AKAP12: variants seen among roughly 807,000 people sequenced by gnomAD.
The protein encoded by AKAP12 is A-kinase anchor protein 12.
Under a neutral mutation model 79.9 loss-of-function variants are expected in AKAP12, and 32 were observed. That is an observed-to-expected ratio of 0.40 (90% confidence interval 0.30 to 0.54). The LOEUF (loss-of-function observed/expected upper bound fraction) is 0.54, where lower values mean the gene tolerates loss of function less well. Ranked by LOEUF, AKAP12 falls within the 20% of genes least tolerant of loss-of-function variation. The pLI is 0.48. For synonymous variants in AKAP12, 808 were observed against 857.0 expected, an observed-to-expected ratio of 0.94 and a Z score of 1.00; for missense variants, 2,074 against 2,177.0, an observed-to-expected ratio of 0.95 and a Z score of 0.94.
chr6:151,322,293 G>A (rs755422161), intron 3 of AKAP12, among the ~76,000 whole-genome samples: 15 of 151,976 alleles, frequency 9.9e-5, no homozygotes, highest in Non-Finnish European at 2.1e-4. Context: ...TAATAACGTT[G>A]GACGTATTTT....
Position 151,350,882 on chromosome 6 carries a change from G to T in AKAP12, c.2491G>T (p.Ala831Ser), listed in dbSNP as rs1167352574. ...GKQEQAPVED[A>S]GPTGANEDDS... ...ACAAGAACAAGCCCCTGTTGAAGAC[G>T]CAGGGCCAACAGGGGCCAACGAAGA... The change falls in exon 4 of 5, where the codon GCA (alanine) becomes TCA (serine). Residue 831 changes from alanine to serine, a missense_variant. Transcript: ENST00000402676. This position sits in a 1 kb window ranked among gnomAD's most constrained non-coding sequence, Gnocchi z 4.8. 4 of 1,614,096 alleles carry T rather than the reference G, an allele frequency of 2.5e-6. No homozygotes were observed. The highest frequency in any genetic ancestry group is 3.4e-6 in the Non-Finnish European group (4 of 1,180,018).
intron 2 of AKAP12, among the ~76,000 whole-genome samples, chr6:151,288,345 ACT>A (rs576045292): frequency 6.6e-6 from 1 of 151,674 alleles, no homozygotes; most frequent in South Asian, 2.1e-4. Context: ...AGAAACCCTG[ACT>A]CTACGAAAAA....
chr6:151,326,434 C>A (rs1777527500), intron 3 of AKAP12, among the ~76,000 whole-genome samples: 1 of 141,900 alleles, frequency 7.0e-6, no homozygotes, highest in East Asian at 2.0e-4. Flanking sequence ...TTAATAAAGC[C>A]ATAGTTATTA....
intron 2 of AKAP12, among the ~76,000 whole-genome samples, chr6:151,249,983 G>T (rs866759816): frequency 1.3e-5 from 2 of 152,190 alleles, no homozygotes; most frequent in Non-Finnish European, 2.9e-5. Context: ...GGTGGCTCAT[G>T]CCTATAATCC....
At chr6:151,260,916 G>C (rs949017258) in intron 2 of AKAP12, among the ~76,000 whole-genome samples, 2 of 152,014 alleles carry the variant, frequency 1.3e-5, no homozygotes, top group African/African-American at 4.8e-5. Context: ...CGCTTGAACC[G>C]GGGAGGTGGA....
At chr6:151,286,820 A>T (rs1776513930) in intron 2 of AKAP12, among the ~76,000 whole-genome samples, 1 of 152,188 alleles carries the variant, frequency 6.6e-6, no homozygotes, top group Admixed American at 6.5e-5. Flanking sequence ...AGCTCGAGAG[A>T]GTTCAGGTCT....
At chr6:151,304,060 GT>G (rs1189418675) in intron 2 of AKAP12, among the ~76,000 whole-genome samples, 2 of 152,172 alleles carry the variant, frequency 1.3e-5, no homozygotes, top group Non-Finnish European at 2.9e-5. Flanking sequence ...AGCTGCCTAT[GT>G]TGGTTTTAAG....
intron 2 of AKAP12, among the ~76,000 whole-genome samples, chr6:151,263,318 A>T (rs1374851866): frequency 1.3e-5 from 2 of 152,124 alleles, no homozygotes; most frequent in Non-Finnish European, 2.9e-5. Context: ...TACAGGCATG[A>T]GTCACCACTT....
chr6:151,273,413 C>T (rs1298418772), intron 2 of AKAP12, among the ~76,000 whole-genome samples: 5 of 152,158 alleles, frequency 3.3e-5, no homozygotes, highest in Non-Finnish European at 5.9e-5. Context: ...CCGGTGATTC[C>T]ATTGCCAGTA....
chr6:151,265,606 A>G (rs1024974847), intron 2 of AKAP12, among the ~76,000 whole-genome samples: 1 of 152,236 alleles, frequency 6.6e-6, no homozygotes, highest in South Asian at 2.1e-4. Context: ...GAAAATAAAC[A>G]TACAGTATTA....
intron 2 of AKAP12, among the ~76,000 whole-genome samples, chr6:151,288,135 G>T (rs1418121614): frequency 6.6e-6 from 1 of 151,632 alleles, no homozygotes; most frequent in South Asian, 2.1e-4. Flanking sequence ...GATGGGTGCA[G>T]CAAATCACCA....
At chr6:151,312,893 G>A (rs1418332706) in intron 3 of AKAP12, among the ~76,000 whole-genome samples, 5 of 151,912 alleles carry the variant, frequency 3.3e-5, no homozygotes, top group Non-Finnish European at 7.4e-5. Flanking sequence ...GGGCTGTTTA[G>A]TTCAGTGCTG....
intron 3 of AKAP12, among the ~76,000 whole-genome samples, chr6:151,315,054 G>GAAA (rs75653442): frequency 0.019 from 2,460 of 129,312 alleles, 72 homozygotes; most frequent in African/African-American, 0.066. Context: ...TCTGTCTCAA[G>GAAA]AAAAAAAAAA....
At chr6:151,294,162 C>T (rs533895798) in intron 2 of AKAP12, among the ~76,000 whole-genome samples, 6 of 152,008 alleles carry the variant, frequency 3.9e-5, no homozygotes, top group South Asian at 2.1e-4. Flanking sequence ...TTAGTAGAGA[C>T]GGGGTTTCAC....
At chr6:151,254,963 C>G (rs1232437514) in intron 2 of AKAP12, among the ~76,000 whole-genome samples, 5 of 152,122 alleles carry the variant, frequency 3.3e-5, no homozygotes, top group Non-Finnish European at 7.3e-5. Context: ...CAAGCAGTCC[C>G]TGTGATCTTC....
At chr6:151,273,070 G>A (rs1020174979) in intron 2 of AKAP12, among the ~76,000 whole-genome samples, 2 of 152,048 alleles carry the variant, frequency 1.3e-5, no homozygotes, top group African/African-American at 4.8e-5. Context: ...ACCACACCTG[G>A]CTAATTTTTT....
intron 2 of AKAP12, among the ~76,000 whole-genome samples, chr6:151,252,991 T>A (rs1330678545): frequency 2.0e-5 from 3 of 152,208 alleles, no homozygotes; most frequent in African/African-American, 7.2e-5. Context: ...ATCCCCAGTG[T>A]CTGCCCTTTG....
intron 3 of AKAP12, among the ~76,000 whole-genome samples, chr6:151,334,510 G>A (rs1777760106): frequency 6.6e-6 from 1 of 151,930 alleles, no homozygotes; most frequent in African/African-American, 2.4e-5. Flanking sequence ...CAGGAGAATC[G>A]CTGGAACCCT....
At chr6:151,280,965 T>A (rs1198962258) in intron 2 of AKAP12, among the ~76,000 whole-genome samples, 1 of 152,216 alleles carries the variant, frequency 6.6e-6, no homozygotes, top group African/African-American at 2.4e-5. Context: ...CCATTTCTTA[T>A]GTGTAATTCT....
Sources: gnomAD v4.1 joint callset for allele counts (sites outside exome capture counted in the v4.1 genomes callset) on GRCh38, gnomAD v4.1.1 for gene constraint, Gnocchi (gnomAD v3.1) non-coding constraint, MANE v1.5 for transcripts, NCBI Gene and HGNC (gene_info 2026-07-23, HGNC 2026-07-21) for gene names.